Variants in SULF1 observed in about 807,000 individuals in gnomAD.
SULF1 encodes extracellular sulfatase Sulf-1.
In SULF1, 46 loss-of-function variants were observed where a neutral mutation model predicts 110.5. The ratio of observed to expected loss-of-function variants is 0.42; its 90% confidence interval spans 0.33 to 0.53. The LOEUF (loss-of-function observed/expected upper bound fraction) is 0.53, where lower values mean the gene tolerates loss of function less well. Among genes scored for constraint, SULF1 ranks in the 20% least tolerant of loss-of-function variants. SULF1 has a pLI of 0.12. For missense variants in SULF1, 941 were observed against 1,094.2 expected, an observed-to-expected ratio of 0.86 and a Z score of 1.98; for synonymous variants, 371 against 387.1, an observed-to-expected ratio of 0.96 and a Z score of 0.49.
intron 3 of SULF1, among the ~76,000 whole-genome samples, chr8:69,537,115 C>G (rs1372395720): frequency 6.6e-6 from 1 of 152,190 alleles, no homozygotes; most frequent in African/African-American, 2.4e-5. Flanking sequence ...ATTAGCACCT[C>G]TGACTCACTG....
At chr8:69,564,935 C>G (rs1013994243) in intron 5 of SULF1, among the ~76,000 whole-genome samples, 4 of 152,236 alleles carry the variant, frequency 2.6e-5, no homozygotes, top group South Asian at 2.1e-4. Context: ...ATTCCTTGCT[C>G]TCAGGCATCA....
At chr8:69,588,507 CGTGTGTGTATGTAT>C (rs976171213) in intron 7 of SULF1, among the ~76,000 whole-genome samples, 6 of 151,758 alleles carry the variant, frequency 4.0e-5, no homozygotes, top group Admixed American at 3.3e-4. Context: ...TGTGTGTGAG[CGTGTGTGTATGTAT>C]GTGTGTGTGT....
At chr8:69,616,120 TATA>T (rs1809093522) in intron 13 of SULF1, among the ~76,000 whole-genome samples, 1 of 146,850 alleles carries the variant, frequency 6.8e-6, no homozygotes, top group Non-Finnish European at 1.5e-5. Flanking sequence ...TGTGTGTATA[TATA>T]ATGTGTATAT....
At position 69,624,046 on chromosome 8, in the gene SULF1, G is replaced by C; in HGVS notation, c.1699G>C (p.Val567Leu). 6.2e-7 allele frequency: 1 copy of C among 1,614,172 alleles called. No homozygotes were observed. Among genetic ancestry groups the C allele is most frequent in the Non-Finnish European group, 8.5e-7 (1 of 1,180,032 alleles). Residue 567 changes from valine to leucine, a missense_variant, in exon 15 of 23, where the codon GTG becomes CTG. Physicochemically the swap from Val to Leu is conservative, Grantham distance 32. Transcript: ENST00000402687. ...INLEEEEELQ[V>L]LQPRNIAKRH... ...TCTGGAAGAAGAAGAAGAATTGCAA[G>C]TGTTGCAACCAAGAAACATTGCTAA...
At chr8:69,554,184 A>G (rs1398656073) in intron 3 of SULF1, among the ~76,000 whole-genome samples, 1 of 152,234 alleles carries the variant, frequency 6.6e-6, no homozygotes, top group African/African-American at 2.4e-5. Flanking sequence ...AGTTTAAAAC[A>G]AAGTAGAGTA....
At chr8:69,477,550 C>A (rs1307528297) in intron 1 of SULF1, among the ~76,000 whole-genome samples, 3 of 152,046 alleles carry the variant, frequency 2.0e-5, no homozygotes, top group African/African-American at 7.2e-5. Context: ...CCCCTGGTAA[C>A]TTTTCAAGTC....
At chr8:69,577,185 T>C (rs1805669124) in intron 6 of SULF1, among the ~76,000 whole-genome samples, 2 of 152,228 alleles carry the variant, frequency 1.3e-5, no homozygotes, top group Non-Finnish European at 2.9e-5. Flanking sequence ...TGTTTTCTTA[T>C]GCGTAGGAAA....
chr8:69,570,757 T>C (rs535294767), intron 5 of SULF1, among the ~76,000 whole-genome samples: 1 of 152,282 alleles, frequency 6.6e-6, no homozygotes, highest in Non-Finnish European at 1.5e-5. Context: ...CTTCTCCCAC[T>C]CCCAGCCACC....
At chr8:69,504,014 G>T (rs1489693903) in intron 3 of SULF1, among the ~76,000 whole-genome samples, 3 of 151,922 alleles carry the variant, frequency 2.0e-5, no homozygotes, top group African/African-American at 7.2e-5. Flanking sequence ...TGGCCAGGAT[G>T]GTCTCGATCT....
chr8:69,554,328 A>G (rs140204653), intron 3 of SULF1, among the ~76,000 whole-genome samples: 80 of 152,284 alleles, frequency 5.3e-4, no homozygotes, highest in African/African-American at 1.9e-3. Context: ...ATTTGCCTTA[A>G]ATGTCCCTGG....
chr8:69,529,080 C>T (rs1370999780), intron 3 of SULF1, among the ~76,000 whole-genome samples: 1 of 152,126 alleles, frequency 6.6e-6, no homozygotes, highest in Non-Finnish European at 1.5e-5. Flanking sequence ...GAGGTTGATA[C>T]TCTTACTCCA....
chr8:69,569,549 T>C lies in SULF1; in HGVS notation c.172+5402T>C, dbSNP rs368436322. Among the ~76,000 whole-genome samples, 32 of 152,330 alleles carry C rather than the reference T, an allele frequency of 2.1e-4. No individual in the cohort carries two copies. The East Asian group carries it at 6.2e-3, about 29-fold the overall frequency. ...GCCAAGGTGCAGGTGCCATTTATCA[T>C]TGACCATACTGCTGTTTTTCTTATA... On this transcript the variant is annotated intron_variant, in intron 5 of 22. Transcript: ENST00000402687.
chr8:69,614,921 G>A lies in SULF1; in HGVS notation c.1378-6114G>A, dbSNP rs1164206540. On this transcript the variant is annotated intron_variant, in intron 13 of 22. Coordinates refer to ENST00000402687, the MANE Select transcript of SULF1 (RefSeq NM_001128205.2). Reference sequence around the variant, plus strand: ...GCACAGACTGATAAATCAGACAGAAGGAGAACGGAAATAATGTAGTTGCAG... The same window carrying A: ...GCACAGACTGATAAATCAGACAGAAAGAGAACGGAAATAATGTAGTTGCAG... 2.6e-5 allele frequency among the ~76,000 whole-genome samples: 4 copies of A among 152,342 alleles called. No homozygotes were observed. In the East Asian group the frequency reaches 7.7e-4, roughly 29 times the overall value.
intron 19 of SULF1, among the ~76,000 whole-genome samples, chr8:69,633,591 C>T (rs1213172136): frequency 6.6e-6 from 1 of 151,986 alleles, no homozygotes; most frequent in Non-Finnish European, 1.5e-5. Context: ...CCCGCCTCGG[C>T]CTCCCAAAGT....
At position 69,644,824 on chromosome 8, in the gene SULF1, T is replaced by A. The variant is rs903251152; in HGVS notation, c.2585+3983T>A. Among the ~76,000 whole-genome samples, 12 of 151,752 alleles carry A rather than the reference T, an allele frequency of 7.9e-5. No homozygotes were observed. The East Asian group carries it at 2.3e-3, about 29-fold the overall frequency. The stretch of plus-strand genomic sequence containing the variant: ...CGTCTTCTAAACTGCCTGAACCTCT[T>A]GAGATGAGAAGAACAAAACAAACCT... On this transcript the variant is annotated intron_variant, in intron 22 of 22. Coordinates refer to ENST00000402687, the MANE Select transcript of SULF1 (RefSeq NM_001128205.2).
chr8:69,623,851 C>G, intron 14 of SULF1, 91 bp from the exon 15 acceptor site: 1 of 1,460,200 alleles, frequency 6.8e-7, no homozygotes. Context: ...GCTTTCTCCA[C>G]TCCAGGATCC....
intron 3 of SULF1, among the ~76,000 whole-genome samples, chr8:69,508,707 T>A (rs1255721767): frequency 6.6e-6 from 1 of 152,170 alleles, no homozygotes; most frequent in East Asian, 1.9e-4. Context: ...CCGAAAATGA[T>A]TTGATGCATT....
At chr8:69,541,272 C>T (rs12542806) in intron 3 of SULF1, among the ~76,000 whole-genome samples, 39,844 of 152,058 alleles carry the variant, frequency 0.26, 6,079 homozygotes, top group East Asian at 0.55. Flanking sequence ...CTTGTGAGAC[C>T]GGAGGACACC....
chr8:69,554,682 A>C (rs1326010155), intron 3 of SULF1, among the ~76,000 whole-genome samples: 1 of 152,042 alleles, frequency 6.6e-6, no homozygotes, highest in Non-Finnish European at 1.5e-5. Flanking sequence ...AAAAGAAAAA[A>C]AGAAAGAAAG....
Sources: gnomAD v4.1 joint callset for allele counts (sites outside exome capture counted in the v4.1 genomes callset) on GRCh38, gnomAD v4.1.1 for gene constraint, MANE v1.5 for transcripts, NCBI Gene and HGNC (gene_info 2026-07-23, HGNC 2026-07-21) for gene names.